Variants in CTNNA3 observed in about 807,000 individuals in gnomAD.
The protein encoded by CTNNA3 is catenin alpha 3.
In CTNNA3, 76 loss-of-function variants were observed where a neutral mutation model predicts 95.7. The observed-to-expected ratio is 0.79, with a 90% confidence interval of 0.66 to 0.96. The LOEUF is 0.96. Ranked by LOEUF, CTNNA3 falls within the 40% of genes least tolerant of loss-of-function variation. The pLI is 0.00. For synonymous variants in CTNNA3, 431 were observed against 374.4 expected (o/e 1.15, Z -1.74); for missense variants, 1,191 against 1,089.8 (o/e 1.09, Z -1.31).
At chr10:67,595,215 A>G (rs1200897617) in intron 3 of CTNNA3, among the ~76,000 whole-genome samples, 1 of 152,144 alleles carries the variant, frequency 6.6e-6, no homozygotes, top group African/African-American at 2.4e-5. Flanking sequence ...TAGTTCCTCT[A>G]GCTAAAATTT....
intron 13 of CTNNA3, among the ~76,000 whole-genome samples, chr10:66,219,201 G>C (rs2088760680): frequency 6.6e-6 from 1 of 152,170 alleles, no homozygotes; most frequent in African/African-American, 2.4e-5. Flanking sequence ...TGCTGTAATA[G>C]GATGAGGCTT....
At chr10:67,066,195 CTT>C (rs71006118) in intron 7 of CTNNA3, among the ~76,000 whole-genome samples, 8 of 123,058 alleles carry the variant, frequency 6.5e-5, no homozygotes, top group Admixed American at 8.4e-5. Context: ...AAGTCACTGG[CTT>C]TTTTTTTTTT....
chr10:67,238,756 G>C (rs1865604213), intron 5 of CTNNA3, among the ~76,000 whole-genome samples: 1 of 152,158 alleles, frequency 6.6e-6, no homozygotes, highest in Non-Finnish European at 1.5e-5. Flanking sequence ...GGTCATAGAA[G>C]TAGCTTTTTA....
intron 5 of CTNNA3, among the ~76,000 whole-genome samples, chr10:67,406,390 ACATAC>A (rs1194874725): frequency 2.0e-5 from 3 of 152,184 alleles, no homozygotes; most frequent in African/African-American, 7.2e-5. Flanking sequence ...CAAAAATACA[ACATAC>A]CAAAATCTCT....
In CTNNA3 at chr10:66,766,434, A is replaced by T. The variant is rs1014717223; in HGVS notation, c.1129-18T>A. On this transcript the variant is annotated intron_variant, in intron 8 of 17. Coordinates refer to ENST00000433211, the MANE Select transcript of CTNNA3 (RefSeq NM_013266.4). ...TTGCGGAGCTGAGAAGAAATGAAAAATTCAGGTTTTTTTTTTCCAGGAAAT... is the reference window on the plus strand; with the variant it reads ...TTGCGGAGCTGAGAAGAAATGAAAATTTCAGGTTTTTTTTTTCCAGGAAAT... 6.3e-7 allele frequency: 1 copy of T among 1,585,214 alleles called. No individual in the cohort carries two copies. The highest frequency in any genetic ancestry group is 8.6e-7 in the Non-Finnish European group (1 of 1,164,310).
At chr10:66,903,497 T>TA in intron 7 of CTNNA3, among the ~76,000 whole-genome samples, 1 of 152,264 alleles carries the variant, frequency 6.6e-6, no homozygotes, top group South Asian at 2.1e-4. Context: ...TCACCACTCC[T>TA]ATTCAACATA....
At chr10:67,690,047 C>G (rs1322275632) in intron 1 of CTNNA3, among the ~76,000 whole-genome samples, 3 of 152,098 alleles carry the variant, frequency 2.0e-5, no homozygotes, top group African/African-American at 7.2e-5. Context: ...CCCACGGTGA[C>G]TGTTACCACT....
intron 12 of CTNNA3, among the ~76,000 whole-genome samples, chr10:66,354,650 C>G (rs2132402558): frequency 6.6e-6 from 1 of 152,062 alleles, no homozygotes; most frequent in East Asian, 1.9e-4. Context: ...GGGTAACGTC[C>G]TTAGCCTTTT....
At chr10:66,379,075 C>G in intron 12 of CTNNA3, 77 bp downstream of exon 12, 1 of 1,232,378 alleles carries the variant, frequency 8.1e-7, no homozygotes, top group Non-Finnish European at 1.2e-6. Flanking sequence ...TAGAATCTTT[C>G]CCACATGTAT....
rs764303533 is a variant in CTNNA3 at position 66,339,603 on chromosome 10, A to T, written c.1732+39549T>A. On this transcript the variant is annotated intron_variant, in intron 12 of 17. Transcript: ENST00000433211. ...ATTCTTATGTCCTACTTGGTTTCCT[A>T]ACCCCCAAATTCCTTTTATTTCTAC... is the stretch of plus-strand genomic sequence containing the variant. Among the ~76,000 whole-genome samples the T allele has an allele frequency of 5.9e-5, 9 of 151,850 alleles. 1 individual carries two copies. The highest frequency in any genetic ancestry group is 1.3e-4 in the Non-Finnish European group (9 of 67,772).
intron 7 of CTNNA3, among the ~76,000 whole-genome samples, chr10:66,845,233 T>G (rs890799675): frequency 6.6e-6 from 1 of 152,086 alleles, no homozygotes; most frequent in African/African-American, 2.4e-5. Flanking sequence ...TCGACATTTC[T>G]CCACAGAAGA....
intron 12 of CTNNA3, among the ~76,000 whole-genome samples, chr10:66,351,264 C>T (rs1312079224): frequency 6.6e-6 from 1 of 151,988 alleles, no homozygotes; most frequent in Non-Finnish European, 1.5e-5. Flanking sequence ...AAGTGCTCTG[C>T]TATTTCATTC....
At chr10:67,252,034 ACT>A (rs1375492156) in intron 5 of CTNNA3, among the ~76,000 whole-genome samples, 1 of 151,950 alleles carries the variant, frequency 6.6e-6, no homozygotes, top group Admixed American at 6.6e-5. Context: ...ACACGGTGAA[ACT>A]CTGTCTCTAC....
chr10:66,042,587 T>C (rs187461119), intron 15 of CTNNA3, among the ~76,000 whole-genome samples: 254 of 151,308 alleles, frequency 1.7e-3, no homozygotes, highest in Admixed American at 5.9e-3. Context: ...AATGGAGAAA[T>C]AGAAGTAGTA....
At chr10:67,204,743 G>T (rs1189375939) in intron 6 of CTNNA3, among the ~76,000 whole-genome samples, 2 of 152,124 alleles carry the variant, frequency 1.3e-5, no homozygotes, top group African/African-American at 2.4e-5. Flanking sequence ...GATTTTAATA[G>T]ACACAAGGTC....
chr10:67,634,641 G>A lies in CTNNA3; in HGVS notation c.99+12774C>T, dbSNP rs142696782. Among the ~76,000 whole-genome samples the A allele has an allele frequency of 3.6e-3, 555 of 152,204 alleles. 5 individuals carry two copies. The highest frequency in any genetic ancestry group is 0.013 in the African/African-American group (521 of 41,520). ...AAAGGGATGGAGGAAAATTTACCAA[G>A]CAAATGGAAAACAGAAAAAAAGCAG... On this transcript the variant is annotated intron_variant, in intron 2 of 17. Transcript: ENST00000433211.
At chr10:67,073,790 T>C (rs1856590995) in intron 7 of CTNNA3, among the ~76,000 whole-genome samples, 1 of 152,190 alleles carries the variant, frequency 6.6e-6, no homozygotes, top group Non-Finnish European at 1.5e-5. Flanking sequence ...TGAAAAATGC[T>C]AAGCATAATG....
chr10:67,287,167 A>T (rs189414351), intron 5 of CTNNA3, among the ~76,000 whole-genome samples: 458 of 152,032 alleles, frequency 3.0e-3, no homozygotes, highest in Non-Finnish European at 4.8e-3. Flanking sequence ...GCAAAACCCC[A>T]TCTCTACTAA....
chr10:66,999,954 G>C (rs1851580833), intron 7 of CTNNA3, among the ~76,000 whole-genome samples: 1 of 152,186 alleles, frequency 6.6e-6, no homozygotes, highest in African/African-American at 2.4e-5. Flanking sequence ...GATTTTCCCA[G>C]TCACTGCTCT....
Sources: allele counts gnomAD v4.1 joint callset (sites outside exome capture counted in the v4.1 genomes callset), GRCh38; gene constraint gnomAD v4.1.1; transcripts MANE v1.5; gene names NCBI Gene and HGNC (gene_info 2026-07-23, HGNC 2026-07-21).